The following AGK variants were observed in gnomAD, a reference collection of about 807,000 sequenced individuals.
AGK encodes acylglycerol kinase, mitochondrial.
AGK carries 52 observed loss-of-function variants against 66.4 expected under a neutral mutation model. The ratio of observed to expected loss-of-function variants is 0.78; its 90% CI spans 0.63 to 0.99. The LOEUF (loss-of-function observed/expected upper bound fraction) is 0.99. AGK is among the 50% of genes least tolerant of loss of function. The pLI, the probability that AGK is intolerant of heterozygous loss-of-function variation, is 0.00. For missense variants in AGK, 451 were observed against 506.6 expected (o/e 0.89, Z 1.05); for synonymous variants, 182 against 181.1 (o/e 1.00, Z -0.04).
At chr7:141,611,351 G>GC (rs1282641669) in intron 6 of AGK, 64 bp downstream of exon 6, 1 of 1,181,702 alleles carries the variant, frequency 8.5e-7, no homozygotes, top group Non-Finnish European at 1.2e-6. Flanking sequence ...AAATCCTAGA[G>GC]CAATGGTATG....
chr7:141,602,173 T>TTGTGTGTGTGTGTGTG (rs71172608), intron 5 of AGK, among the ~76,000 whole-genome samples: 3,525 of 125,218 alleles, frequency 0.028, 133 homozygotes, highest in Admixed American at 0.036. Context: ...GGAGATTTTC[T>TTGTGTGTGTGTGTGTG]TGTGTGTGTG....
chr7:141,572,717 T>A (rs1202514697), intron 2 of AGK, among the ~76,000 whole-genome samples: 3 of 152,036 alleles, frequency 2.0e-5, no homozygotes, highest in Non-Finnish European at 4.4e-5. Context: ...GATATAGAAA[T>A]AAGAAAGTTG....
chr7:141,630,577 C>T lies in AGK; in HGVS notation c.589-3324C>T, dbSNP rs1189083801. Among the ~76,000 whole-genome samples, 2 of 151,972 alleles carry T rather than the reference C, an allele frequency of 1.3e-5. 1 individual carries two copies. Among genetic ancestry groups the T allele is most frequent in the South Asian group, 4.1e-4 (2 of 4,820 alleles). On this transcript the variant is annotated intron_variant, in intron 9 of 15. Coordinates refer to ENST00000649286, the MANE Select transcript of AGK (RefSeq NM_018238.4). ...TGTTTTGTTTTAAAATTTATATTTTCCTTGACCATCTCCTTAGCTCCCCCC... is the reference window on the plus strand; with the variant it reads ...TGTTTTGTTTTAAAATTTATATTTTTCTTGACCATCTCCTTAGCTCCCCCC...
chr7:141,646,332 T>G (rs1391248300), intron 13 of AGK, among the ~76,000 whole-genome samples: 1 of 150,948 alleles, frequency 6.6e-6, no homozygotes, highest in African/African-American at 2.4e-5. Flanking sequence ...CTCAGGAGAG[T>G]CAGTCCTCTC....
intron 13 of AGK, among the ~76,000 whole-genome samples, chr7:141,646,908 G>C (rs143913545): frequency 3.1e-4 from 47 of 152,302 alleles, no homozygotes; most frequent in Admixed American, 3.1e-3. Context: ...CCCTGTTCTA[G>C]CTGAAGTGTG....
Position 141,641,279 on chromosome 7 carries a change from C to T in AGK, c.758C>T (p.Ser253Leu). 1 of 1,613,832 alleles carries T rather than the reference C, an allele frequency of 6.2e-7. No individual in the cohort carries two copies. Residue 253 changes from serine to leucine, a missense_variant, in exon 12 of 16, where the codon TCA (serine) becomes TTA (leucine). By Grantham distance (145) the Ser-to-Leu change is moderately radical. Transcript: ENST00000649286. ...CCTCAGACTCATCAAGCCTCTATCTCATACACGGGACCTACAGAGAGACCT... is the reference window on the plus strand; with the variant it reads ...CCTCAGACTCATCAAGCCTCTATCTTATACACGGGACCTACAGAGAGACCT... Reference protein sequence around the residue: ...EWPQTHQASISYTGPTERPPN... With the variant: ...EWPQTHQASILYTGPTERPPN...
chr7:141,565,429 T>A (rs1321963524), intron 2 of AGK, among the ~76,000 whole-genome samples: 1 of 152,098 alleles, frequency 6.6e-6, no homozygotes, highest in African/African-American at 2.4e-5. Flanking sequence ...GGCGGGCAGA[T>A]CAACTAAGGT....
Position 141,654,465 on chromosome 7 carries a change from C to T in AGK, c.*1541C>T, listed in dbSNP as rs1797641337. On this transcript the variant is annotated 3_prime_UTR_variant, in exon 16 of 16. Coordinates refer to ENST00000649286, the MANE Select transcript of AGK (RefSeq NM_018238.4). ...TTTGACAAAGATCACAGTGCTCTAT[C>T]ATCAAGAATTATTAATGATGATCTA... 6.6e-6 allele frequency: 1 copy of T among 152,226 alleles called. No individual in the cohort carries two copies. Among genetic ancestry groups the T allele is most frequent in the African/African-American group, 2.4e-5 (1 of 41,464 alleles). The allele number at this position is 152,226 out of a possible 1,614,324, so 9.4% of individuals were successfully genotyped here.
At chr7:141,604,570 T>C (rs1451624854) in intron 5 of AGK, among the ~76,000 whole-genome samples, 3 of 150,866 alleles carry the variant, frequency 2.0e-5, no homozygotes, top group Non-Finnish European at 4.4e-5. Context: ...TGATGTACTA[T>C]TATCTTGTAG....
chr7:141,618,386 G>A (rs1415262507), intron 8 of AGK, among the ~76,000 whole-genome samples: 2 of 152,076 alleles, frequency 1.3e-5, no homozygotes, highest in Non-Finnish European at 2.9e-5. Flanking sequence ...TCTTACATGT[G>A]TTTATCAAAT....
intron 5 of AGK, among the ~76,000 whole-genome samples, chr7:141,604,374 G>GTGTGTATATATATATA (rs1554400830): frequency 1.8e-5 from 2 of 113,826 alleles, no homozygotes; most frequent in African/African-American, 6.9e-5. Context: ...GTGTGTGTGT[G>GTGTGTATATATATATA]TATATATATA....
intron 1 of AGK, among the ~76,000 whole-genome samples, chr7:141,551,674 G>A (rs1055680433): frequency 6.6e-6 from 1 of 152,188 alleles, no homozygotes; most frequent in African/African-American, 2.4e-5. Flanking sequence ...CGGATCCCGT[G>A]GTCACGGCGG....
At chr7:141,651,659 GGCCT>G in intron 15 of AGK, 50 bp downstream of exon 15, 1 of 1,534,598 alleles carries the variant, frequency 6.5e-7, no homozygotes, top group South Asian at 1.1e-5. Flanking sequence ...GTTCGTCATC[GGCCT>G]GCCCCTCTGT....
intron 13 of AGK, among the ~76,000 whole-genome samples, chr7:141,645,189 G>A (rs562573408): frequency 6.6e-6 from 1 of 152,026 alleles, no homozygotes; most frequent in Non-Finnish European, 1.5e-5. Flanking sequence ...TATGAACGGG[G>A]TATATCTCTT....
At position 141,593,452 on chromosome 7, in the gene AGK, C is replaced by T. The variant is rs116276788; in HGVS notation, c.141+267C>T. ...GAACACAGAACTGGACTGGTAGAAG[C>T]TCTGGGAATTTGTTTGTGTCTGCAG... On this transcript the variant is annotated intron_variant, in intron 3 of 15. Transcript: ENST00000649286. 4.7e-3 allele frequency: 3,211 copies of T among 690,158 alleles called. 66 individuals are homozygous for T. The highest frequency in any genetic ancestry group is 0.041 in the African/African-American group (2,304 of 56,760). The allele number at this position is 690,158 out of a possible 1,614,324, so 42.8% of individuals were successfully genotyped here. A position where few individuals can be genotyped will look rare whatever the true frequency, so the allele number is the denominator to read the frequency against.
intron 2 of AGK, among the ~76,000 whole-genome samples, chr7:141,583,973 G>A (rs1334602254): frequency 1.3e-5 from 2 of 151,930 alleles, no homozygotes; most frequent in Admixed American, 1.3e-4. Flanking sequence ...CTTTCTCATG[G>A]AGCAAAGAGC....
At chr7:141,606,599 C>T (rs921248253) in intron 5 of AGK, among the ~76,000 whole-genome samples, 10 of 152,078 alleles carry the variant, frequency 6.6e-5, no homozygotes, top group Non-Finnish European at 1.0e-4. Flanking sequence ...TAACATCTTG[C>T]GTTAGTGTTA....
At chr7:141,604,364 GTGTGTGTGTGTATATATATATATATA>G (rs991380356) in intron 5 of AGK, among the ~76,000 whole-genome samples, 1 of 95,166 alleles carries the variant, frequency 1.1e-5, no homozygotes, top group Non-Finnish European at 2.0e-5. Flanking sequence ...GTATGAATGT[GTGTGTGTGTGTATATATATATATATA>G]TATATATATA....
chr7:141,648,488 G>A (rs561151123), intron 13 of AGK, among the ~76,000 whole-genome samples: 11 of 152,094 alleles, frequency 7.2e-5, no homozygotes, highest in Non-Finnish European at 1.5e-4. Flanking sequence ...TTAATCTTAG[G>A]CAAAGGCTTT....
Sources: gnomAD v4.1 joint callset for allele counts (sites outside exome capture counted in the v4.1 genomes callset) on GRCh38, gnomAD v4.1.1 for gene constraint, MANE v1.5 for transcripts, NCBI Gene and HGNC (gene_info 2026-07-23, HGNC 2026-07-21) for gene names.